The following ETFA variants were observed in gnomAD, a reference collection of about 807,000 sequenced individuals.
ETFA encodes electron transfer flavoprotein subunit alpha.
ETFA carries 22 observed loss-of-function variants against 46.2 expected under a neutral mutation model. The observed-to-expected ratio is 0.48, with a 90% CI of 0.34 to 0.68. The LOEUF is 0.68. Ranked by LOEUF, ETFA falls within the 30% of genes least tolerant of loss-of-function variation. The pLI is 0.01. For synonymous variants in ETFA, 131 were observed against 139.9 expected (o/e 0.94, Z 0.45); for missense variants, 345 against 401.1 (o/e 0.86, Z 1.19).
In ETFA at chr15:76,219,623, C is replaced by A. The variant is rs186487390; in HGVS notation, c.964-3026G>T. ...GAATATGTAAAGAATTCACACAAGT[C>A]AACAAAAAGAGAAACAGCCCAACTG... On this transcript the variant is annotated intron_variant, in intron 11 of 11. Transcript: ENST00000557943. 1.8e-3 allele frequency among the ~76,000 whole-genome samples: 271 copies of A among 152,206 alleles called. 3 individuals carry two copies. The highest frequency in any genetic ancestry group is 6.3e-3 in the African/African-American group (262 of 41,530).
chr15:76,289,484 A>G (rs1382438745), intron 4 of ETFA, among the ~76,000 whole-genome samples: 4 of 152,212 alleles, frequency 2.6e-5, no homozygotes, highest in Non-Finnish European at 4.4e-5. Context: ...TGTTTAACAT[A>G]TCTTCAAGAA....
chr15:76,304,859 A>G (rs1201702976), intron 1 of ETFA, among the ~76,000 whole-genome samples: 1 of 152,070 alleles, frequency 6.6e-6, no homozygotes, highest in Non-Finnish European at 1.5e-5. Context: ...CCTGGCTAAC[A>G]TGGTGAAACC....
intron 10 of ETFA, among the ~76,000 whole-genome samples, chr15:76,226,563 ACT>A (rs949145838): frequency 2.0e-5 from 3 of 147,126 alleles, no homozygotes; most frequent in African/African-American, 5.1e-5. Context: ...CAGCAGTGAG[ACT>A]CTGTCTCAAC....
At chr15:76,284,227 C>T (rs201511673) in intron 7 of ETFA, 1 of 175,074 alleles carries the variant, frequency 5.7e-6, no homozygotes, top group East Asian at 1.6e-4. Flanking sequence ...TTAAACTCCT[C>T]GAGAGGAAGA....
chr15:76,230,378 T>C (rs1289689556), intron 10 of ETFA: 10 of 59,188 alleles, frequency 1.7e-4, no homozygotes, highest in African/African-American at 2.4e-4. Flanking sequence ...AGGCGCCCGC[T>C]ACCACGCCCG....
intron 11 of ETFA, among the ~76,000 whole-genome samples, chr15:76,223,517 C>T (rs1303242537): frequency 2.6e-5 from 4 of 152,210 alleles, no homozygotes; most frequent in Non-Finnish European, 4.4e-5. Context: ...GCCACCGCTC[C>T]TGGCCATGTA....
At chr15:76,226,066 T>C (rs1332302399) in intron 10 of ETFA, 137 bp from the exon 11 acceptor site, 1 of 629,954 alleles carries the variant, frequency 1.6e-6, no homozygotes, top group Non-Finnish European at 2.8e-6. Flanking sequence ...GTGTCAACAC[T>C]GTAAATTTAT....
At chr15:76,293,100 T>C (rs1417594998) in intron 2 of ETFA, among the ~76,000 whole-genome samples, 3 of 152,128 alleles carry the variant, frequency 2.0e-5, no homozygotes, top group Non-Finnish European at 4.4e-5. Flanking sequence ...TCACACCACT[T>C]CACTCCAGAC....
At chr15:76,222,522 C>T (rs921418220) in intron 11 of ETFA, among the ~76,000 whole-genome samples, 6 of 152,148 alleles carry the variant, frequency 3.9e-5, no homozygotes, top group African/African-American at 7.2e-5. Flanking sequence ...CAACTTCATG[C>T]GTACTCTGTA....
intron 9 of ETFA, among the ~76,000 whole-genome samples, chr15:76,257,855 C>T (rs1383052308): frequency 6.6e-6 from 1 of 151,736 alleles, no homozygotes; most frequent in Non-Finnish European, 1.5e-5. Flanking sequence ...ATGATGAGTT[C>T]ATGTCCTTTG....
intron 1 of ETFA, among the ~76,000 whole-genome samples, chr15:76,306,302 A>T (rs2456061): frequency 0.97 from 135,385 of 140,200 alleles, 65,578 homozygotes; most frequent in East Asian, 1. Context: ...AGTCTCGCTC[A>T]GTCGCCCAGA....
At chr15:76,241,012 A>C (rs2039180236) in intron 9 of ETFA, among the ~76,000 whole-genome samples, 1 of 152,016 alleles carries the variant, frequency 6.6e-6, no homozygotes, top group South Asian at 2.1e-4. Context: ...ATACCAGTTC[A>C]GAGATTTTCC....
At chr15:76,269,518 C>A (rs1026487659) in intron 9 of ETFA, among the ~76,000 whole-genome samples, 1 of 152,184 alleles carries the variant, frequency 6.6e-6, no homozygotes, top group Non-Finnish European at 1.5e-5. Context: ...GTTTGATCAT[C>A]AATAAATAGC....
chr15:76,291,658 G>A (rs971445367), intron 4 of ETFA, among the ~76,000 whole-genome samples: 1 of 151,984 alleles, frequency 6.6e-6, no homozygotes, highest in Non-Finnish European at 1.5e-5. Context: ...GCTGAGGCAG[G>A]AGAATGGCGT....
chr15:76,259,327 T>C, intron 9 of ETFA: 2 of 1,596,736 alleles, frequency 1.3e-6, no homozygotes, highest in South Asian at 2.2e-5. Flanking sequence ...CAAGTAAAGC[T>C]TGGGCGCTGC....
intron 10 of ETFA, chr15:76,228,030 G>T: frequency 4.4e-6 from 2 of 452,608 alleles, no homozygotes; most frequent in Non-Finnish European, 8.9e-6. Flanking sequence ...ATTTGCATTG[G>T]CGTGTTTCTC....
In ETFA at chr15:76,231,396, T is replaced by C. The variant is rs754841873; in HGVS notation, c.819A>G (p.Glu273=). The C allele has an allele frequency of 2.5e-6, 4 of 1,593,012 alleles. No individual in the cohort carries two copies. Among genetic ancestry groups the C allele is most frequent in the Admixed American group, 1.7e-5 (1 of 59,974 alleles). The change falls in exon 10 of 12, where the codon GAA becomes GAG. Residue 273 remains glutamate, a splice_region_variant and synonymous_variant. Coordinates refer to ENST00000557943, the MANE Select transcript of ETFA (RefSeq NM_000126.4). The part of the protein sequence containing the change: ...VGQTGKIVAP[E]LYIAVGISGA... ...CAGATATTCCAACAGCAATATAAAG[T>C]TCCTGAAATAAAAGAGGTCACATTA...
rs900144222 is a variant in ETFA, at chr15:76,283,772, G to C, written c.718C>G (p.Gln240Glu). Residue 240 changes from glutamine to glutamate, a missense_variant, in exon 8 of 12, where the codon CAA becomes GAA. Transcript: ENST00000557943. ...NFKLLYDLAD[Q>E]LHAAVGASRA... ...ATAACTTTACCTGCAGCATGTAGTT[G>C]ATCTGCCAAGTCATATAACAACTTA... The C allele has an allele frequency of 6.2e-7, 1 of 1,606,100 alleles. No homozygotes were observed. Among genetic ancestry groups the C allele is most frequent in the Admixed American group, 1.7e-5 (1 of 59,974 alleles).
At chr15:76,303,209 G>A (rs1481607916) in intron 1 of ETFA, among the ~76,000 whole-genome samples, 5 of 152,250 alleles carry the variant, frequency 3.3e-5, no homozygotes, top group African/African-American at 9.6e-5. Context: ...TCCGAAGGCT[G>A]CGGCAGGAGA....
Sources: allele counts gnomAD v4.1 joint callset (sites outside exome capture counted in the v4.1 genomes callset), GRCh38; gene constraint gnomAD v4.1.1; transcripts MANE v1.5; gene names NCBI Gene and HGNC (gene_info 2026-07-23, HGNC 2026-07-21).